The following PRKG1 variants were observed in gnomAD, a reference collection of about 807,000 sequenced individuals.
PRKG1 encodes the protein cGMP-dependent protein kinase 1.
PRKG1 carries 35 observed loss-of-function variants against 88.1 expected under a neutral mutation model. The observed-to-expected ratio is 0.40, with a 90% CI of 0.30 to 0.53. The LOEUF (loss-of-function observed/expected upper bound fraction) is 0.53, where lower values mean the gene tolerates loss of function less well. Among genes scored for constraint, PRKG1 ranks in the 20% least tolerant of loss-of-function variants. PRKG1 has a pLI of 0.59. For synonymous variants in PRKG1, 303 were observed against 292.5 expected, an observed-to-expected ratio of 1.04 and a Z score of -0.37; for missense variants, 540 against 839.8, an observed-to-expected ratio of 0.64 and a Z score of 4.41.
At chr10:51,711,198 C>A (rs4417221) in intron 3 of PRKG1, among the ~76,000 whole-genome samples, 1 of 152,192 alleles carries the variant, frequency 6.6e-6, no homozygotes, top group African/African-American at 2.4e-5. Flanking sequence ...CTCTGCCTCC[C>A]GGGTTCATGC....
At chr10:51,201,770 A>G (rs112617623) in intron 2 of PRKG1, among the ~76,000 whole-genome samples, 1 of 152,136 alleles carries the variant, frequency 6.6e-6, no homozygotes, top group African/African-American at 2.4e-5. Context: ...TGCAACCTGC[A>G]AGAGTCCTCA....
chr10:51,558,000 A>G (rs1244487486), intron 3 of PRKG1, among the ~76,000 whole-genome samples: 3 of 152,112 alleles, frequency 2.0e-5, no homozygotes, highest in Non-Finnish European at 4.4e-5. Flanking sequence ...GTACTTTCAA[A>G]AATATTCTTT....
intron 3 of PRKG1, among the ~76,000 whole-genome samples, chr10:51,638,769 G>T (rs1839721027): frequency 6.6e-6 from 1 of 152,174 alleles, no homozygotes; most frequent in Non-Finnish European, 1.5e-5. Flanking sequence ...TAGTTAATTT[G>T]AAATAATGAC....
At chr10:52,145,598 C>A (rs1336926171) in intron 8 of PRKG1, among the ~76,000 whole-genome samples, 12 of 152,100 alleles carry the variant, frequency 7.9e-5, no homozygotes, top group Admixed American at 6.6e-5. Flanking sequence ...CTGACAGAAG[C>A]TTAGCAATCA....
chr10:51,024,348 TC>T (rs748460467), intron 1 of PRKG1, among the ~76,000 whole-genome samples: 111 of 152,320 alleles, frequency 7.3e-4, no homozygotes, highest in Middle Eastern at 3.4e-3. Context: ...GATTTTTCTT[TC>T]TTCTCCCTGG....
At chr10:51,219,581 G>A (rs1475417086) in intron 2 of PRKG1, among the ~76,000 whole-genome samples, 1 of 151,702 alleles carries the variant, frequency 6.6e-6, no homozygotes, top group Non-Finnish European at 1.5e-5. Flanking sequence ...GTGGTGGCAG[G>A]TGCCTGTAAT....
chr10:51,871,929 CACA>C (rs1564686360), intron 4 of PRKG1, among the ~76,000 whole-genome samples: 1 of 152,118 alleles, frequency 6.6e-6, no homozygotes, highest in Admixed American at 6.6e-5. Flanking sequence ...TACAAAATAT[CACA>C]ACAAGTAGAG....
chr10:51,843,195 C>A (rs1454548184), intron 4 of PRKG1, among the ~76,000 whole-genome samples: 1 of 145,644 alleles, frequency 6.9e-6, no homozygotes, highest in African/African-American at 2.6e-5. Context: ...CTCCTGGGTT[C>A]AAGTGAGAAA....
At chr10:51,054,339 T>G (rs1218213401) in intron 1 of PRKG1, among the ~76,000 whole-genome samples, 2 of 152,302 alleles carry the variant, frequency 1.3e-5, no homozygotes, top group African/African-American at 4.8e-5. Flanking sequence ...TAAAATAAGC[T>G]CCTTAAAATG....
In PRKG1 at chr10:52,011,885, T is replaced by TTGTAAAAAA. The variant is rs1844891626; in HGVS notation, c.763-42591_763-42590insATGTAAAAA. ...GAATGGATCTCATGATATCTGATGG[T>TTGTAAAAAA]TGTAAAAATGGGAGATTCTCTGCAC... On this transcript the variant is annotated intron_variant, in intron 5 of 17. Transcript: ENST00000373980. Among the ~76,000 whole-genome samples, 3 of 152,134 alleles carry TTGTAAAAAA rather than the reference T, an allele frequency of 2.0e-5. No homozygotes were observed. In the South Asian group the frequency reaches 6.2e-4, roughly 32 times the overall value.
intron 3 of PRKG1, among the ~76,000 whole-genome samples, chr10:51,564,158 A>G (rs931785935): frequency 6.6e-6 from 1 of 152,082 alleles, no homozygotes; most frequent in Non-Finnish European, 1.5e-5. Flanking sequence ...CATACCTACT[A>G]CGTGCTGGGT....
intron 12 of PRKG1, among the ~76,000 whole-genome samples, chr10:52,273,385 C>T (rs552405230): frequency 6.6e-6 from 1 of 152,088 alleles, no homozygotes; most frequent in Admixed American, 6.6e-5. Context: ...TTGTTTGAGT[C>T]CTGCCTCCCA....
chr10:51,283,288 G>A (rs1362059699), intron 2 of PRKG1, among the ~76,000 whole-genome samples: 2 of 151,822 alleles, frequency 1.3e-5, no homozygotes, highest in African/African-American at 2.4e-5. Context: ...CCTGCTGTGA[G>A]ATGAAAAAAA....
intron 2 of PRKG1, among the ~76,000 whole-genome samples, chr10:51,340,310 G>T (rs942921813): frequency 6.6e-6 from 1 of 152,010 alleles, no homozygotes; most frequent in African/African-American, 2.4e-5. Flanking sequence ...TTTTTAAGAG[G>T]TTCTTTCTAA....
chr10:51,719,156 A>AAGAG (rs112793661), intron 3 of PRKG1, among the ~76,000 whole-genome samples: 1 of 150,224 alleles, frequency 6.7e-6, no homozygotes, highest in African/African-American at 2.4e-5. Flanking sequence ...TCTCAAAAAA[A>AAGAG]AGAGAGAGAG....
At chr10:51,135,033 G>A (rs1242983154) in intron 1 of PRKG1, among the ~76,000 whole-genome samples, 2 of 152,172 alleles carry the variant, frequency 1.3e-5, no homozygotes. Flanking sequence ...CCCTGTCCAT[G>A]TTGAGTTTGT....
intron 1 of PRKG1, among the ~76,000 whole-genome samples, chr10:51,122,913 G>C (rs1300533519): frequency 6.6e-6 from 1 of 152,098 alleles, no homozygotes; most frequent in Non-Finnish European, 1.5e-5. Context: ...GCTTCCTATA[G>C]CCTGCCCTAT....
At chr10:51,364,113 G>GT (rs1842542132) in intron 2 of PRKG1, among the ~76,000 whole-genome samples, 1 of 151,966 alleles carries the variant, frequency 6.6e-6, no homozygotes, top group Non-Finnish European at 1.5e-5. Flanking sequence ...AGTCACTGCA[G>GT]TTTTTTATTA....
rs976609825 is a variant in PRKG1 at position 51,699,606 on chromosome 10, G to A, written c.593-104979G>A. 5.2e-6 allele frequency: 8 copies of A among 1,537,826 alleles called. 1 individual carries two copies. The South Asian group carries it at 8.7e-5, about 17-fold the overall frequency. ...TTCTTCGAGGCGTCTGTCCTCTTGC[G>A]ACCGACACTTCCGCTGAGCAACGGA... On this transcript the variant is annotated intron_variant, in intron 3 of 17. Coordinates refer to ENST00000373980, the MANE Select transcript of PRKG1 (RefSeq NM_006258.4).
Sources: gnomAD v4.1 joint callset for allele counts (sites outside exome capture counted in the v4.1 genomes callset) on GRCh38, gnomAD v4.1.1 for gene constraint, MANE v1.5 for transcripts, NCBI Gene and HGNC (gene_info 2026-07-23, HGNC 2026-07-21) for gene names.